FBXO34: variants seen among roughly 807,000 people sequenced by gnomAD.
FBXO34 encodes the protein F-box protein 34.
Under a neutral mutation model 24.5 loss-of-function variants are expected in FBXO34, and 12 were observed. The ratio of observed to expected loss-of-function variants is 0.49; its 90% CI spans 0.31 to 0.79. The LOEUF is 0.79. FBXO34 is among the 30% of genes least tolerant of loss of function. FBXO34 has a pLI of 0.04. For synonymous variants in FBXO34, 320 were observed against 311.9 expected (o/e 1.03, Z -0.27); for missense variants, 823 against 857.7 (o/e 0.96, Z 0.51).
At chr14:55,411,460 G>A in the FBXO34 span, 3 of 838,842 alleles carry the variant, frequency 3.6e-6, no homozygotes, top group South Asian at 5.3e-5. Flanking sequence ...CTCCGGTGCA[G>A]AGCAGCTAGC....
the FBXO34 span, among the ~76,000 whole-genome samples, chr14:55,376,676 C>T: frequency 6.6e-6 from 1 of 152,162 alleles, no homozygotes; most frequent in African/African-American, 2.4e-5. Context: ...TCCCCTAATG[C>T]CTTGGGTTTC....
chr14:55,294,294 AATT>A (rs1484012984), intron 1 of FBXO34, among the ~76,000 whole-genome samples: 1 of 140,374 alleles, frequency 7.1e-6, no homozygotes, highest in Non-Finnish European at 1.6e-5. Context: ...ATGCTCAAAA[AATT>A]ATTATTATTT....
At chr14:55,366,924 T>C (rs1409037908) in intron 2 of FBXO34, 1 of 152,568 alleles carries the variant, frequency 6.6e-6, no homozygotes, top group African/African-American at 2.4e-5. Context: ...ACAGGGTGGA[T>C]CCAGTGCAAA....
chr14:55,380,240 T>A, the FBXO34 span, among the ~76,000 whole-genome samples: 1 of 146,978 alleles, frequency 6.8e-6, no homozygotes, highest in African/African-American at 2.5e-5. Context: ...AGAGCGAGAC[T>A]CTGTCTCAAA....
At chr14:55,364,603 A>G (rs1884639101), downstream of FBXO34, among the ~76,000 whole-genome samples, 1 of 148,060 alleles carries the variant, frequency 6.8e-6, no homozygotes, top group Admixed American at 6.8e-5. Context: ...TTTTTTTTGT[A>G]TTTTTAGTAG....
At chr14:55,287,452 A>G (rs952717659) in intron 1 of FBXO34, among the ~76,000 whole-genome samples, 1 of 152,210 alleles carries the variant, frequency 6.6e-6, no homozygotes, top group Non-Finnish European at 1.5e-5. Context: ...AAAAAATAAC[A>G]GTAAAAAGTA....
At chr14:55,329,072 C>T in intron 1 of FBXO34, among the ~76,000 whole-genome samples, 1 of 145,372 alleles carries the variant, frequency 6.9e-6, no homozygotes, top group East Asian at 2.0e-4. Context: ...TGAGAAGTTC[C>T]TAGAGAGTGG....
chr14:55,365,580 C>T (rs1444376980), downstream of FBXO34, among the ~76,000 whole-genome samples: 2 of 152,106 alleles, frequency 1.3e-5, no homozygotes, highest in East Asian at 3.9e-4. Flanking sequence ...ATCCTTAATT[C>T]CTCCCAATCT....
At chr14:55,404,232 A>G in the FBXO34 span, among the ~76,000 whole-genome samples, 1 of 152,376 alleles carries the variant, frequency 6.6e-6, no homozygotes, top group African/African-American at 2.4e-5. Flanking sequence ...GTAGGGCTGG[A>G]GACTTTCACT....
At chr14:55,369,952 T>A (rs1303546023), downstream of FBXO34, 1 of 1,557,046 alleles carries the variant, frequency 6.4e-7, no homozygotes, top group South Asian at 1.2e-5. Context: ...AGGGTCTCTT[T>A]AGGATAACAA....
At chr14:55,349,607 C>CTT (rs57284715) in intron 1 of FBXO34, among the ~76,000 whole-genome samples, 5,702 of 116,508 alleles carry the variant, frequency 0.049, 498 homozygotes, top group African/African-American at 0.15. Context: ...CAATAATTTT[C>CTT]TTTTTTTTTT....
At chr14:55,367,568 A>ACC (rs1884708527) in exon 3 of FBXO34, 1 of 152,014 alleles carries the variant, frequency 6.6e-6, no homozygotes, top group Admixed American at 6.6e-5. Flanking sequence ...CATGGTGAAA[A>ACC]CCCCCGTCTT....
chr14:55,369,289 G>A (rs80269278), downstream of FBXO34: 453 of 189,642 alleles, frequency 2.4e-3, no homozygotes, highest in Middle Eastern at 5.8e-3. Context: ...CCATATCTGT[G>A]GGCCCGGTGG....
At chr14:55,339,446 G>C (rs1434966260) in intron 1 of FBXO34, 1 of 147,162 alleles carries the variant, frequency 6.8e-6, no homozygotes, top group African/African-American at 2.6e-5. Context: ...TTGAAACTAG[G>C]TGCTCTGTAT....
the FBXO34 span, among the ~76,000 whole-genome samples, chr14:55,416,191 A>C: frequency 0.025 from 3,814 of 152,338 alleles, 149 homozygotes; most frequent in African/African-American, 0.087. Context: ...ATACACAACC[A>C]GCTACTAAAT....
the FBXO34 span, among the ~76,000 whole-genome samples, chr14:55,400,683 A>C: frequency 1.3e-5 from 2 of 152,090 alleles, no homozygotes; most frequent in African/African-American, 4.8e-5. Flanking sequence ...CGGGTGGATC[A>C]CCTGAGGTCA....
chr14:55,362,450 T>C (rs1307183041), downstream of FBXO34, among the ~76,000 whole-genome samples: 2 of 152,200 alleles, frequency 1.3e-5, no homozygotes, highest in Admixed American at 6.5e-5. Flanking sequence ...GACTTGCTCA[T>C]TGCAGGGTTA....
downstream of FBXO34, among the ~76,000 whole-genome samples, chr14:55,357,183 C>G (rs901025907): frequency 1.3e-5 from 2 of 152,164 alleles, no homozygotes; most frequent in African/African-American, 4.8e-5. Flanking sequence ...GCATTTATAC[C>G]AAACTGATGT....
chr14:55,355,702 C>T (rs182727459), downstream of FBXO34, among the ~76,000 whole-genome samples: 138 of 152,272 alleles, frequency 9.1e-4, no homozygotes, highest in Admixed American at 1.7e-3. Context: ...CTGCAGATAC[C>T]GAGGGACCAC....
Sources: gnomAD v4.1 joint callset for allele counts (sites outside exome capture counted in the v4.1 genomes callset) on GRCh38, gnomAD v4.1.1 for gene constraint, MANE v1.5 for transcripts, NCBI Gene and HGNC (gene_info 2026-07-23, HGNC 2026-07-21) for gene names.